LRRC75A: variants seen among roughly 807,000 people sequenced by gnomAD.
LRRC75A encodes the protein leucine-rich repeat-containing protein 75A.
LRRC75A carries 12 observed loss-of-function variants against 26.0 expected under a neutral mutation model. The ratio of observed to expected loss-of-function variants is 0.46; its 90% CI spans 0.30 to 0.75. The LOEUF (loss-of-function observed/expected upper bound fraction) is 0.75, where lower values mean the gene tolerates loss of function less well. Ranked by LOEUF, LRRC75A falls within the 30% of genes least tolerant of loss-of-function variation. The pLI, the probability that LRRC75A is intolerant of heterozygous loss-of-function variation, is 0.08. For missense variants in LRRC75A, 410 were observed against 486.6 expected (o/e 0.84, Z 1.48); for synonymous variants, 223 against 219.3 (o/e 1.02, Z -0.15).
At chr17:16,485,037 G>A (rs931971952) in intron 1 of LRRC75A, among the ~76,000 whole-genome samples, 27 of 151,850 alleles carry the variant, frequency 1.8e-4, no homozygotes, top group African/African-American at 5.8e-4. Context: ...GGTGGGGGTA[G>A]GGAGGAGAGC....
At chr17:16,460,804 A>C (rs550348289) in intron 2 of LRRC75A, 2 of 152,374 alleles carry the variant, frequency 1.3e-5, no homozygotes, top group African/African-American at 4.8e-5. Flanking sequence ...ATCTGTGAGC[A>C]ACTCCATTGC....
At chr17:16,482,482 C>G (rs1194675767) in intron 1 of LRRC75A, among the ~76,000 whole-genome samples, 1 of 152,146 alleles carries the variant, frequency 6.6e-6, no homozygotes, top group East Asian at 1.9e-4. Context: ...AGGAGAGGGA[C>G]AGGCTTGAGG....
At chr17:16,482,539 C>G (rs2093836947) in intron 1 of LRRC75A, among the ~76,000 whole-genome samples, 2 of 152,118 alleles carry the variant, frequency 1.3e-5, no homozygotes, top group Non-Finnish European at 2.9e-5. Context: ...GGCAAGCCCA[C>G]CTAGGAAGTG....
At chr17:16,458,558 C>T (rs944404984) in intron 2 of LRRC75A, among the ~76,000 whole-genome samples, 20 of 151,774 alleles carry the variant, frequency 1.3e-4, no homozygotes, top group African/African-American at 4.6e-4. Context: ...CTCCGCCTGC[C>T]GGGTTCCAGT....
chr17:16,486,676 G>A (rs557034787), intron 1 of LRRC75A, among the ~76,000 whole-genome samples: 2 of 152,308 alleles, frequency 1.3e-5, no homozygotes, highest in East Asian at 3.9e-4. Context: ...TGCCGGATGG[G>A]ATCCCGTAGT....
chr17:16,454,217 T>TC (rs774357511), intron 2 of LRRC75A, among the ~76,000 whole-genome samples: 3 of 147,852 alleles, frequency 2.0e-5, no homozygotes, highest in Non-Finnish European at 4.5e-5. Flanking sequence ...ACGGCGAAAC[T>TC]CCATCTCTAC....
At chr17:16,456,324 GAAGGAA>G (rs751009714) in intron 2 of LRRC75A, among the ~76,000 whole-genome samples, 5 of 138,014 alleles carry the variant, frequency 3.6e-5, no homozygotes, top group Non-Finnish European at 6.3e-5. Flanking sequence ...AAGAGGAGAA[GAAGGAA>G]GAGGAGGAGG....
At chr17:16,464,986 G>C (rs1263352150) in intron 1 of LRRC75A, among the ~76,000 whole-genome samples, 1 of 152,248 alleles carries the variant, frequency 6.6e-6, no homozygotes, top group East Asian at 1.9e-4. Context: ...TCCCCTTCCT[G>C]GGGACAGGGA....
chr17:16,469,910 C>T (rs553299840), intron 1 of LRRC75A, among the ~76,000 whole-genome samples: 3 of 152,234 alleles, frequency 2.0e-5, no homozygotes, highest in South Asian at 4.1e-4. Flanking sequence ...TTGTCACTTG[C>T]GTGGTACAGG....
chr17:16,466,824 TAG>T (rs2093773349), intron 1 of LRRC75A, among the ~76,000 whole-genome samples: 1 of 151,864 alleles, frequency 6.6e-6, no homozygotes, highest in Non-Finnish European at 1.5e-5. Context: ...AAAAAGTGAG[TAG>T]AGATTTACAC....
rs574360956 is a variant in LRRC75A, at chr17:16,491,436, C to T, written c.246+309G>A. 6.6e-6 allele frequency among the ~76,000 whole-genome samples: 1 copy of T among 152,338 alleles called. No individual in the cohort carries two copies. The highest frequency in any genetic ancestry group is 1.9e-4 in the East Asian group (1 of 5,164). On this transcript the variant is annotated intron_variant, in intron 1 of 3. Transcript: ENST00000470794. This position sits in a 1 kb window ranked among gnomAD's most constrained non-coding sequence, Gnocchi z 5.9. ...GATCAGGCAGGCATCCCTGCTTCCC[C>T]GCCCACCGACTGTCCCCGGAGACCA...
At chr17:16,474,927 A>G (rs1601192434) in intron 1 of LRRC75A, among the ~76,000 whole-genome samples, 1 of 150,382 alleles carries the variant, frequency 6.6e-6, no homozygotes, top group East Asian at 2.0e-4. Flanking sequence ...CAGGAGGCGG[A>G]GCTTGCAGTG....
intron 1 of LRRC75A, among the ~76,000 whole-genome samples, chr17:16,474,387 T>C (rs1198813116): frequency 1.3e-5 from 2 of 152,266 alleles, no homozygotes; most frequent in Non-Finnish European, 2.9e-5. Flanking sequence ...ACGTTTCAGC[T>C]ACTGTTTTAT....
intron 1 of LRRC75A, among the ~76,000 whole-genome samples, chr17:16,467,368 G>C (rs1438084281): frequency 1.3e-5 from 2 of 152,124 alleles, no homozygotes; most frequent in African/African-American, 4.8e-5. Flanking sequence ...GTAACAGCTG[G>C]CATTTTGCAT....
chr17:16,453,269 C>T (rs993434187), intron 2 of LRRC75A, among the ~76,000 whole-genome samples: 50 of 151,864 alleles, frequency 3.3e-4, no homozygotes, highest in African/African-American at 1.2e-3. Context: ...GGCCTGGGCG[C>T]CAGAGTGGGA....
intron 1 of LRRC75A, among the ~76,000 whole-genome samples, chr17:16,485,661 TGTGTG>T (rs1568987928): frequency 7.7e-6 from 1 of 130,394 alleles, no homozygotes. Flanking sequence ...TGTGTGTGTG[TGTGTG>T]TGTTCGTGTG....
At chr17:16,482,940 G>A (rs116960068) in intron 1 of LRRC75A, among the ~76,000 whole-genome samples, 6,909 of 152,324 alleles carry the variant, frequency 0.045, 202 homozygotes, top group Non-Finnish European at 0.069. Flanking sequence ...GCTCGGCTGG[G>A]GCTGGCAGGT....
chr17:16,445,701 A>C (rs1465482705), intron 3 of LRRC75A, among the ~76,000 whole-genome samples: 1 of 152,254 alleles, frequency 6.6e-6, no homozygotes, highest in East Asian at 1.9e-4. Context: ...TCAAGGCGTG[A>C]CATTTAAATG....
At chr17:16,481,393 A>G (rs1351951179) in intron 1 of LRRC75A, among the ~76,000 whole-genome samples, 1 of 152,130 alleles carries the variant, frequency 6.6e-6, no homozygotes, top group African/African-American at 2.4e-5. Context: ...ATACATGTAA[A>G]TCTCCTTTTG....
Sources: gnomAD v4.1 joint callset for allele counts (sites outside exome capture counted in the v4.1 genomes callset) on GRCh38, gnomAD v4.1.1 for gene constraint, Gnocchi (gnomAD v3.1) non-coding constraint, MANE v1.5 for transcripts, NCBI Gene and HGNC (gene_info 2026-07-23, HGNC 2026-07-21) for gene names.